CMPK2: variants seen among roughly 807,000 people sequenced by gnomAD.
CMPK2 encodes the protein UMP-CMP kinase 2, mitochondrial.
A neutral mutation model predicts 33.4 loss-of-function variants in CMPK2; 32 were observed. The ratio of observed to expected loss-of-function variants is 0.96; its 90% CI spans 0.72 to 1.29. The LOEUF is 1.29. Ranked by LOEUF, CMPK2 falls within the 50% of genes most tolerant of loss-of-function variation. The pLI is 0.00. For synonymous variants in CMPK2, 299 were observed against 275.3 expected, an observed-to-expected ratio of 1.09 and a Z score of -0.85; for missense variants, 672 against 616.0, an observed-to-expected ratio of 1.09 and a Z score of -0.96.
At position 6,863,452 on chromosome 2, in the gene CMPK2, ATAT is replaced by A; in HGVS notation, c.790+9_790+11del. 4 of 1,606,104 alleles carry A rather than the reference ATAT, an allele frequency of 2.5e-6. No homozygotes were observed. The highest frequency in any genetic ancestry group is 2.6e-6 in the Non-Finnish European group (3 of 1,173,276). On this transcript the variant is annotated intron_variant, in intron 2 of 4. Transcript: ENST00000256722. ...TGTCATTGCCTATAACTAAAAGGTAATATTATCTTACCCGTGGCATCCAGTCCT... is the reference window on the plus strand; with the variant it reads ...TGTCATTGCCTATAACTAAAAGGTAATATCTTACCCGTGGCATCCAGTCCT...
At chr2:6,848,048 T>C (rs1474737127), downstream of CMPK2, among the ~76,000 whole-genome samples, 2 of 152,240 alleles carry the variant, frequency 1.3e-5, no homozygotes, top group African/African-American at 2.4e-5. Context: ...GTAAGTCATA[T>C]ATACCTATCA....
At chr2:6,864,908 A>G (rs1663009048) in intron 1 of CMPK2, 114 bp downstream of exon 1, 4 of 1,311,896 alleles carry the variant, frequency 3.0e-6, no homozygotes, top group Non-Finnish European at 3.9e-6. Context: ...GTGAACGGAA[A>G]TAAACAAACC....
rs1402177192 is a variant in CMPK2, at chr2:6,861,110, ACACACACACACACACACC to A, written c.992+56_992+73del. The A allele has an allele frequency of 5.9e-5, 74 of 1,262,738 alleles. 1 individual carries two copies. The highest frequency in any genetic ancestry group is 7.2e-5 in the Non-Finnish European group (63 of 870,278). 78.2% of individuals were successfully genotyped at this position (1,262,738 alleles called of 1,614,324 possible). On this transcript the variant is annotated intron_variant, in intron 3 of 4. Transcript: ENST00000256722. ...TGTACGTATACACACACACGCACAC[ACACACACACACACACACC>A]CACACACTTATATATTAGGGAGAAA...
intron 3 of CMPK2, among the ~76,000 whole-genome samples, chr2:6,859,351 C>A (rs1662806099): frequency 6.6e-6 from 1 of 152,166 alleles, no homozygotes. Flanking sequence ...AATGAGAAGC[C>A]AAATGTTAAT....
chr2:6,853,677 T>C lies in CMPK2; in HGVS notation c.993-1994A>G, dbSNP rs371067310. Among the ~76,000 whole-genome samples the C allele has an allele frequency of 1.3e-4, 19 of 151,998 alleles. No individual in the cohort carries two copies. In the East Asian group the frequency reaches 1.7e-3, roughly 14 times the overall value. Reference sequence around the variant, plus strand: ...CACTTGGTTGGGAGGCTGAGGTGGGTGGATCACGAGGTCAGGAGATCGAGA... The same window carrying C: ...CACTTGGTTGGGAGGCTGAGGTGGGCGGATCACGAGGTCAGGAGATCGAGA... On this transcript the variant is annotated intron_variant, in intron 3 of 4. Transcript: ENST00000256722.
downstream of CMPK2, among the ~76,000 whole-genome samples, chr2:6,845,116 A>G (rs77819210): frequency 4.7e-3 from 715 of 152,296 alleles, 5 homozygotes; most frequent in African/African-American, 0.016. Flanking sequence ...CGCAGGGCAA[A>G]GAAAGCTTGT....
At chr2:6,860,461 G>A (rs1026997992) in intron 3 of CMPK2, among the ~76,000 whole-genome samples, 1 of 152,180 alleles carries the variant, frequency 6.6e-6, no homozygotes, top group African/African-American at 2.4e-5. Context: ...CATGGGGACA[G>A]GTCTTTACCA....
Position 6,851,594 on chromosome 2 carries a change from T to G in CMPK2, c.1082A>C (p.Gln361Pro). ...AGGTTTGAGCAGGTCCTCTGGCCACTGGTACACAGGGTGATGGGCTGGGGG... is the reference window on the plus strand; with the variant it reads ...AGGTTTGAGCAGGTCCTCTGGCCACGGGTACACAGGGTGATGGGCTGGGGG... ...HLPPAHHPVY[Q>P]WPEDLLKPDL... The change falls in exon 4 of 5, where the codon CAG becomes CCG. Residue 361 changes from glutamine (Q) to proline (P), a missense_variant. Gln to Pro is a moderately conservative substitution (Grantham distance 76). Transcript: ENST00000256722. The G allele has an allele frequency of 1.2e-6, 2 of 1,614,194 alleles. No homozygotes were observed. The highest frequency in any genetic ancestry group is 1.7e-6 in the Non-Finnish European group (2 of 1,180,028).
chr2:6,860,428 G>A (rs533681537), intron 3 of CMPK2, among the ~76,000 whole-genome samples: 2 of 152,298 alleles, frequency 1.3e-5, no homozygotes, highest in Admixed American at 1.3e-4. Context: ...TTGTGGGAAG[G>A]ACCCAGTGGG....
At chr2:6,848,262 G>A, downstream of CMPK2, 2 of 755,712 alleles carry the variant, frequency 2.6e-6, no homozygotes, top group Non-Finnish European at 3.2e-6. Flanking sequence ...TATTAAAAGG[G>A]GAATCTGAGA....
intron 3 of CMPK2, among the ~76,000 whole-genome samples, chr2:6,854,870 C>T (rs547592436): frequency 6.6e-6 from 1 of 152,224 alleles, no homozygotes; most frequent in Admixed American, 6.5e-5. Context: ...CCCCACTTAA[C>T]AGATCAGAAA....
chr2:6,842,833 G>A (rs960416532), intron 3 of CMPK2, among the ~76,000 whole-genome samples: 1 of 152,148 alleles, frequency 6.6e-6, no homozygotes, highest in African/African-American at 2.4e-5. Context: ...GAAGGGGGAA[G>A]GAGGAAAGAG....
chr2:6,843,599 T>C (rs1003724859), downstream of CMPK2, among the ~76,000 whole-genome samples: 49 of 152,134 alleles, frequency 3.2e-4, no homozygotes, highest in African/African-American at 1.1e-3. Flanking sequence ...TGGGCTAATA[T>C]TGATTTCTAC....
intron 3 of CMPK2, among the ~76,000 whole-genome samples, chr2:6,841,575 C>T (rs1476357178): frequency 1.3e-5 from 2 of 152,174 alleles, no homozygotes; most frequent in African/African-American, 4.8e-5. Flanking sequence ...CATTTGCCAT[C>T]CTCTGATTGT....
intron 2 of CMPK2, among the ~76,000 whole-genome samples, chr2:6,862,767 T>C (rs1035989895): frequency 6.6e-5 from 10 of 152,188 alleles, no homozygotes; most frequent in Admixed American, 5.9e-4. Flanking sequence ...AGTACCTCTA[T>C]ATGGAAATTG....
At chr2:6,860,797 C>A (rs1662851655) in intron 3 of CMPK2, among the ~76,000 whole-genome samples, 1 of 152,116 alleles carries the variant, frequency 6.6e-6, no homozygotes, top group Admixed American at 6.5e-5. Flanking sequence ...AGCCAATGAA[C>A]AAATAAATGA....
At chr2:6,863,294 G>A (rs940545621) in intron 2 of CMPK2, among the ~76,000 whole-genome samples, 170 bp downstream of exon 2, 12 of 152,256 alleles carry the variant, frequency 7.9e-5, no homozygotes, top group South Asian at 2.1e-4. Context: ...GCTTCATATT[G>A]AAGGTCTTAT....
rs1662419257 is a variant in CMPK2 at position 6,848,552 on chromosome 2, A to G, written c.*1298T>C. On this transcript the variant is annotated 3_prime_UTR_variant, in exon 5 of 5. Coordinates refer to ENST00000256722, the MANE Select transcript of CMPK2 (RefSeq NM_207315.4). ...CACATATTATATAGAAATTACCTAT[A>G]GCTCTTTTAAAAATCCTATGACATT... 1 of 950,960 alleles carries G rather than the reference A, an allele frequency of 1.1e-6. No homozygotes were observed. Among genetic ancestry groups the G allele is most frequent in the Non-Finnish European group, 1.3e-6 (1 of 798,622 alleles). 58.9% of individuals were successfully genotyped at this position (950,960 alleles called of 1,614,324 possible).
chr2:6,856,763 T>A (rs1426740992), intron 3 of CMPK2, among the ~76,000 whole-genome samples: 1 of 152,236 alleles, frequency 6.6e-6, no homozygotes, highest in Non-Finnish European at 1.5e-5. Flanking sequence ...TTCTACTGAA[T>A]AAACATCTTT....
Sources: gnomAD v4.1 joint callset for allele counts (sites outside exome capture counted in the v4.1 genomes callset) on GRCh38, gnomAD v4.1.1 for gene constraint, MANE v1.5 for transcripts, NCBI Gene and HGNC (gene_info 2026-07-23, HGNC 2026-07-21) for gene names.